TAF12: variants seen among roughly 807,000 people sequenced by gnomAD.
TAF12 encodes TATA-box binding protein associated factor 12, also known as transcription initiation factor TFIID subunit 12.
TAF12 carries 3 observed loss-of-function variants against 20.8 expected under a neutral mutation model. The ratio of observed to expected loss-of-function variants is 0.14; its 90% CI spans 0.07 to 0.37. TAF12 has a LOEUF of 0.37. Among genes scored for constraint, TAF12 ranks in the 10% least tolerant of loss-of-function variants. The pLI is 1.00. For synonymous variants in TAF12, 69 were observed against 70.2 expected (o/e 0.98, Z 0.09); for missense variants, 131 against 197.9 (o/e 0.66, Z 2.03).
chr1:28,643,143 G>A, upstream of TAF12: 1 of 984,612 alleles, frequency 1.0e-6, no homozygotes, highest in Non-Finnish European at 1.2e-6. Flanking sequence ...CCGGCCGGCG[G>A]GCGCGCGCCT....
intron 4 of TAF12, 83 bp from the exon 5 acceptor site, chr1:28,605,543 G>A: frequency 1.5e-6 from 2 of 1,295,418 alleles, no homozygotes; most frequent in Non-Finnish European, 2.2e-6. Flanking sequence ...GGATCAGGGA[G>A]GATGAATGTG....
rs532878846 is a variant in TAF12, at chr1:28,607,671, C to CA, written c.362-2212dup. ...TAGGTGACAGAGCGAGACTCCATCT[C>CA]AAAAAGAAAACTTTTTTTTTTAGCT... On this transcript the variant is annotated intron_variant, in intron 4 of 5. Transcript: ENST00000373824. Among the ~76,000 whole-genome samples, 23 of 151,744 alleles carry CA rather than the reference C, an allele frequency of 1.5e-4. No homozygotes were observed. The South Asian group carries it at 4.4e-3, about 29-fold the overall frequency.
chr1:28,620,511 C>CTGCAA (rs1667186494), intron 2 of TAF12, among the ~76,000 whole-genome samples: 1 of 152,042 alleles, frequency 6.6e-6, no homozygotes, highest in African/African-American at 2.4e-5. Context: ...TCTCTGCTCA[C>CTGCAA]TGCAAGCTCC....
At chr1:28,637,698 C>T (rs1010956675) in intron 1 of TAF12, among the ~76,000 whole-genome samples, 7 of 151,980 alleles carry the variant, frequency 4.6e-5, no homozygotes, top group African/African-American at 1.7e-4. Context: ...TATTTTTGCT[C>T]TCTTTACCCT....
At chr1:28,643,695 CACT>C (rs1471792458), upstream of TAF12, among the ~76,000 whole-genome samples, 1 of 152,178 alleles carries the variant, frequency 6.6e-6, no homozygotes, top group Non-Finnish European at 1.5e-5. Context: ...ACTCAGAACT[CACT>C]ACTAAGCCAA....
chr1:28,618,052 C>T, intron 2 of TAF12, 22 bp from the exon 3 acceptor site: 1 of 1,590,712 alleles, frequency 6.3e-7, no homozygotes, highest in South Asian at 1.1e-5. Context: ...TGGAAGAAGA[C>T]TTTTCAACCA....
chr1:28,609,518 GCT>G (rs754778941), intron 4 of TAF12, among the ~76,000 whole-genome samples: 12 of 148,032 alleles, frequency 8.1e-5, no homozygotes, highest in Non-Finnish European at 1.6e-4. Context: ...ATGGGCTACT[GCT>G]CTGTCGCCCA....
At chr1:28,609,410 T>C (rs1185823494) in intron 4 of TAF12, among the ~76,000 whole-genome samples, 1 of 151,756 alleles carries the variant, frequency 6.6e-6, no homozygotes, top group Non-Finnish European at 1.5e-5. Context: ...CAACAATCAT[T>C]TAGTGAATGA....
chr1:28,647,729 C>G (rs145410062), upstream of TAF12, among the ~76,000 whole-genome samples: 8,334 of 152,168 alleles, frequency 0.055, 267 homozygotes, highest in African/African-American at 0.1. Context: ...AAAAAATTAG[C>G]CGGGCATGGT....
chr1:28,629,383 T>G (rs1286142939), intron 1 of TAF12, among the ~76,000 whole-genome samples: 1 of 152,198 alleles, frequency 6.6e-6, no homozygotes, highest in Non-Finnish European at 1.5e-5. Context: ...TCACCCAGGC[T>G]GGAATACAGT....
At chr1:28,607,329 C>T (rs1227359481) in intron 4 of TAF12, among the ~76,000 whole-genome samples, 1 of 151,038 alleles carries the variant, frequency 6.6e-6, no homozygotes, top group African/African-American at 2.4e-5. Flanking sequence ...CCCAGGAGTT[C>T]AAGACCAGTG....
chr1:28,639,426 C>CAAAAAAAAA (rs58772752), intron 1 of TAF12, among the ~76,000 whole-genome samples: 2 of 89,534 alleles, frequency 2.2e-5, no homozygotes, highest in Admixed American at 1.2e-4. Flanking sequence ...CTCCGTCTCA[C>CAAAAAAAAA]AAAAAAAAAA....
intron 1 of TAF12, among the ~76,000 whole-genome samples, chr1:28,627,392 A>G (rs1329848605): frequency 1.6e-5 from 2 of 123,768 alleles, no homozygotes; most frequent in East Asian, 2.1e-4. Flanking sequence ...CGTCTCAAAG[A>G]AAAAAAAAAA....
chr1:28,632,958 G>A (rs575813006), intron 1 of TAF12, among the ~76,000 whole-genome samples: 124 of 152,098 alleles, frequency 8.2e-4, no homozygotes, highest in African/African-American at 2.9e-3. Flanking sequence ...CCGCCTGCCA[G>A]GTACAAGCAA....
intron 2 of TAF12, among the ~76,000 whole-genome samples, chr1:28,620,298 T>C (rs571052952): frequency 6.6e-6 from 1 of 151,626 alleles, no homozygotes; most frequent in Admixed American, 6.6e-5. Flanking sequence ...CATGCCAGGT[T>C]GATTTTTGTA....
At chr1:28,615,358 G>A (rs1446097454) in intron 3 of TAF12, among the ~76,000 whole-genome samples, 1 of 151,770 alleles carries the variant, frequency 6.6e-6, no homozygotes, top group Non-Finnish European at 1.5e-5. Flanking sequence ...ATAACCTCCT[G>A]TCCCTCCCTA....
At chr1:28,639,842 A>G (rs1570343473) in intron 1 of TAF12, among the ~76,000 whole-genome samples, 1 of 151,930 alleles carries the variant, frequency 6.6e-6, no homozygotes, top group East Asian at 1.9e-4. Context: ...TGTTTTTCAA[A>G]TTACTTTTTT....
intron 1 of TAF12, among the ~76,000 whole-genome samples, chr1:28,633,709 C>T (rs1224959522): frequency 5.3e-5 from 8 of 151,582 alleles, no homozygotes; most frequent in Non-Finnish European, 1.0e-4. Context: ...GCTGGGAGTT[C>T]TAAACCAGCC....
chr1:28,627,959 C>T (rs1667475560), intron 1 of TAF12, among the ~76,000 whole-genome samples: 1 of 151,936 alleles, frequency 6.6e-6, no homozygotes, highest in Admixed American at 6.6e-5. Flanking sequence ...AACTGTAACA[C>T]ATTTGATGGG....
Sources: gnomAD v4.1 joint callset for allele counts (sites outside exome capture counted in the v4.1 genomes callset) on GRCh38, gnomAD v4.1.1 for gene constraint, MANE v1.5 for transcripts, NCBI Gene and HGNC (gene_info 2026-07-23, HGNC 2026-07-21) for gene names.